Variants in FSIP1 observed in about 807,000 individuals in gnomAD.
FSIP1 encodes fibrous sheath interacting protein 1.
In FSIP1, 65 loss-of-function variants were observed where a neutral mutation model predicts 60.9. The observed-to-expected ratio is 1.07, with a 90% confidence interval of 0.87 to 1.31. The LOEUF is 1.31. FSIP1 is among the 40% of genes most tolerant of loss of function. FSIP1 has a pLI of 0.00. For synonymous variants in FSIP1, 209 were observed against 221.2 expected, an observed-to-expected ratio of 0.94 and a Z score of 0.49; for missense variants, 675 against 665.5, an observed-to-expected ratio of 1.01 and a Z score of -0.16.
chr15:39,738,724 G>C (rs1293040245), intron 7 of FSIP1, among the ~76,000 whole-genome samples: 1 of 152,152 alleles, frequency 6.6e-6, no homozygotes, highest in African/African-American at 2.4e-5. Context: ...TAGGAAAATT[G>C]AACAGAAAAT....
At chr15:39,648,420 G>A (rs1892720123) in intron 10 of FSIP1, among the ~76,000 whole-genome samples, 1 of 152,150 alleles carries the variant, frequency 6.6e-6, no homozygotes, top group South Asian at 2.1e-4. Flanking sequence ...CCACAAACTA[G>A]ATCATAACCT....
rs1197269549 is a variant in FSIP1, at chr15:39,765,732, T to G, written c.325A>C (p.Lys109Gln). ...ISECSDEPKL[K>Q]ELDSQLQDAI... ...TCTTGAAGTTGAGAATCTAATTCTT[T>G]TAATTTGGGTTCATCTATATTGTGT... The change falls in exon 4 of 12, where the codon AAA (lysine) becomes CAA (glutamine). Residue 109 changes from lysine (K) to glutamine (Q), a missense_variant. By Grantham distance (53) the Lys-to-Gln change is moderately conservative (BLOSUM62 1). Transcript: ENST00000350221. 1 of 1,523,796 alleles carries G rather than the reference T, an allele frequency of 6.6e-7. No individual in the cohort carries two copies. The highest frequency in any genetic ancestry group is 1.2e-5 in the South Asian group (1 of 83,986). The allele number at this position is 1,523,796 out of a possible 1,614,324, so 94.4% of individuals were successfully genotyped here.
chr15:39,673,755 T>C (rs1893814606), intron 10 of FSIP1, among the ~76,000 whole-genome samples: 1 of 152,126 alleles, frequency 6.6e-6, no homozygotes, highest in South Asian at 2.1e-4. Context: ...ACACAAGAAC[T>C]AGAACATTAA....
At chr15:39,680,400 C>T (rs150300699) in intron 10 of FSIP1, among the ~76,000 whole-genome samples, 1 of 152,318 alleles carries the variant, frequency 6.6e-6, no homozygotes, top group East Asian at 1.9e-4. Flanking sequence ...GACATGGTAT[C>T]ATAATTTCTA....
chr15:39,666,446 T>C (rs1893498467), intron 10 of FSIP1, among the ~76,000 whole-genome samples: 1 of 152,238 alleles, frequency 6.6e-6, no homozygotes, highest in Non-Finnish European at 1.5e-5. Flanking sequence ...CACTTATTTA[T>C]AGGAAGTACT....
chr15:39,610,229 TAAAGAA>T (rs1890976369), intron 11 of FSIP1, among the ~76,000 whole-genome samples: 1 of 152,050 alleles, frequency 6.6e-6, no homozygotes, highest in African/African-American at 2.4e-5. Flanking sequence ...AAAGATATGA[TAAAGAA>T]AAAGGCCCAG....
At chr15:39,713,092 T>C (rs1895588712) in intron 10 of FSIP1, among the ~76,000 whole-genome samples, 1 of 152,224 alleles carries the variant, frequency 6.6e-6, no homozygotes, top group Admixed American at 6.5e-5. Flanking sequence ...TAATGTTTTA[T>C]ATTATATAAA....
rs1438215885 is a variant in FSIP1 at position 39,614,198 on chromosome 15, CT to C, written c.1699+3536del. On this transcript the variant is annotated intron_variant, in intron 11 of 11. Transcript: ENST00000350221. ...AAATGCTAAAGACTCCACCAAAAAA[CT>C]GTCAGAAGTGACAAAAAAAAATCAG... Among the ~76,000 whole-genome samples the C allele has an allele frequency of 8.7e-5, 12 of 137,684 alleles. No individual in the cohort carries two copies. In the South Asian group the frequency reaches 2.0e-3, roughly 23 times the overall value. 90.3% of individuals were successfully genotyped at this position (137,684 alleles called of 152,430 possible).
chr15:39,725,948 C>A (rs1439649639), intron 9 of FSIP1, among the ~76,000 whole-genome samples: 1 of 152,088 alleles, frequency 6.6e-6, no homozygotes, highest in Non-Finnish European at 1.5e-5. Context: ...CCACACCCAG[C>A]TAATTTTTGT....
At chr15:39,685,655 T>C (rs1894336155) in intron 10 of FSIP1, among the ~76,000 whole-genome samples, 1 of 152,246 alleles carries the variant, frequency 6.6e-6, no homozygotes, top group African/African-American at 2.4e-5. Flanking sequence ...CAGCCATCCA[T>C]TGCCATCTCT....
chr15:39,668,817 C>A (rs1893604472), intron 10 of FSIP1, among the ~76,000 whole-genome samples: 1 of 152,064 alleles, frequency 6.6e-6, no homozygotes, highest in Non-Finnish European at 1.5e-5. Context: ...TGACTGGCCA[C>A]CCATTTAAAA....
intron 10 of FSIP1, among the ~76,000 whole-genome samples, chr15:39,621,034 G>C (rs1891423033): frequency 7.0e-6 from 1 of 143,336 alleles, no homozygotes; most frequent in African/African-American, 2.7e-5. Flanking sequence ...ATATAATCTT[G>C]AAGCAAGAGA....
chr15:39,735,137 G>A (rs1274752477), intron 8 of FSIP1, among the ~76,000 whole-genome samples: 5 of 152,144 alleles, frequency 3.3e-5, no homozygotes, highest in Admixed American at 2.6e-4. Context: ...ATTCTTACTG[G>A]TATCTAAGCT....
chr15:39,619,469 T>A (rs1483004571), intron 10 of FSIP1, among the ~76,000 whole-genome samples: 1 of 152,074 alleles, frequency 6.6e-6, no homozygotes, highest in African/African-American at 2.4e-5. Context: ...AATATACATG[T>A]CAAGAAATAG....
At chr15:39,670,654 A>C (rs919693632) in intron 10 of FSIP1, among the ~76,000 whole-genome samples, 5 of 152,222 alleles carry the variant, frequency 3.3e-5, no homozygotes, top group African/African-American at 1.2e-4. Flanking sequence ...AGGCAGAAAC[A>C]GCTGCCAGGT....
chr15:39,690,666 G>A (rs1006677491), intron 10 of FSIP1, among the ~76,000 whole-genome samples: 2 of 152,122 alleles, frequency 1.3e-5, no homozygotes, highest in Non-Finnish European at 2.9e-5. Context: ...TGCAGCTCCT[G>A]GTAAAACCAT....
At chr15:39,674,077 C>T (rs1318396645) in intron 10 of FSIP1, among the ~76,000 whole-genome samples, 1 of 149,066 alleles carries the variant, frequency 6.7e-6, no homozygotes, top group Non-Finnish European at 1.5e-5. Context: ...TTTTCTGAGA[C>T]AGAGTCTCGC....
intron 10 of FSIP1, among the ~76,000 whole-genome samples, chr15:39,653,770 A>C (rs967282544): frequency 1.3e-5 from 2 of 152,168 alleles, no homozygotes; most frequent in African/African-American, 2.4e-5. Context: ...ACGTAAGATG[A>C]GACTTGCTCC....
intron 11 of FSIP1, among the ~76,000 whole-genome samples, chr15:39,603,375 G>C (rs1177521662): frequency 6.6e-6 from 1 of 152,174 alleles, no homozygotes; most frequent in Non-Finnish European, 1.5e-5. Flanking sequence ...ATCTGGGATG[G>C]AACCAAGCTG....
Sources: gnomAD v4.1 joint callset for allele counts (sites outside exome capture counted in the v4.1 genomes callset) on GRCh38, gnomAD v4.1.1 for gene constraint, MANE v1.5 for transcripts, NCBI Gene and HGNC (gene_info 2026-07-23, HGNC 2026-07-21) for gene names.